SLCO2A1: variants seen among roughly 807,000 people sequenced by gnomAD.
The protein encoded by SLCO2A1 is matrin F/G 1.
A neutral mutation model predicts 71.7 loss-of-function variants in SLCO2A1; 60 were observed. The observed-to-expected ratio is 0.84, with a 90% CI of 0.68 to 1.04. The LOEUF is 1.04. Among genes scored for constraint, SLCO2A1 ranks in the 50% least tolerant of loss-of-function variants. SLCO2A1 has a pLI of 0.00. For missense variants in SLCO2A1, 745 were observed against 813.4 expected, an observed-to-expected ratio of 0.92 and a Z score of 1.02; for synonymous variants, 308 against 326.7, an observed-to-expected ratio of 0.94 and a Z score of 0.62.
intron 5 of SLCO2A1, among the ~76,000 whole-genome samples, chr3:133,952,149 G>T (rs573696832): frequency 6.6e-6 from 1 of 152,302 alleles, no homozygotes; most frequent in African/African-American, 2.4e-5. Flanking sequence ...TCAGTTGCTG[G>T]TCTCTTTGGG....
At chr3:133,996,417 C>G (rs771511280) in intron 1 of SLCO2A1, among the ~76,000 whole-genome samples, 1 of 152,216 alleles carries the variant, frequency 6.6e-6, no homozygotes, top group African/African-American at 2.4e-5. Context: ...GAAGGTAGGA[C>G]GGACGTGCAT....
intron 3 of SLCO2A1, among the ~76,000 whole-genome samples, chr3:133,960,491 T>C (rs1227127088): frequency 2.0e-5 from 3 of 152,120 alleles, no homozygotes; most frequent in African/African-American, 7.2e-5. Context: ...AGATGAGGGA[T>C]CTAAGAAGTC....
intron 10 of SLCO2A1, 130 bp downstream of exon 10, chr3:133,944,965 A>G: frequency 8.9e-7 from 1 of 1,122,512 alleles, no homozygotes; most frequent in Non-Finnish European, 1.3e-6. Flanking sequence ...AGAGGAGGCC[A>G]GGATGCTGGT....
rs538584558 is a variant in SLCO2A1, at chr3:133,947,121, G to A, written c.1295+135C>T. 98 of 716,018 alleles carry A rather than the reference G, an allele frequency of 1.4e-4. No homozygotes were observed. The South Asian group carries it at 1.8e-3, about 13-fold the overall frequency. The allele number at this position is 716,018 out of a possible 1,614,324, so 44.4% of individuals were successfully genotyped here. A position where few individuals can be genotyped will look rare whatever the true frequency, so the allele number is the denominator to read the frequency against. On this transcript the variant is annotated intron_variant, in intron 9 of 13. Transcript: ENST00000310926. The stretch of plus-strand genomic sequence containing the variant: ...TGCACTACAGCCTGGGTGACGGAGC[G>A]AGACTCTGTCTCAAAAAAAAAAAAA...
At chr3:134,011,447 C>T (rs1001355204) in intron 1 of SLCO2A1, among the ~76,000 whole-genome samples, 7 of 152,320 alleles carry the variant, frequency 4.6e-5, no homozygotes, top group African/African-American at 1.7e-4. Context: ...GCTGTGAGGA[C>T]GATCTCAGCT....
chr3:133,940,938 G>A (rs1933405742), intron 11 of SLCO2A1, among the ~76,000 whole-genome samples: 1 of 152,158 alleles, frequency 6.6e-6, no homozygotes, highest in Admixed American at 6.5e-5. Flanking sequence ...CATAGAAGTG[G>A]TGGCTCTTCT....
chr3:133,973,853 A>G, intron 2 of SLCO2A1, 28 bp from the exon 3 acceptor site: 1 of 1,600,910 alleles, frequency 6.2e-7, no homozygotes, highest in Middle Eastern at 1.7e-4. Context: ...GGGCTGAGTG[A>G]GACAAGAGGC....
chr3:133,965,918 T>G, intron 3 of SLCO2A1, among the ~76,000 whole-genome samples: 1 of 151,364 alleles, frequency 6.6e-6, no homozygotes, highest in Admixed American at 6.6e-5. Context: ...ACTGATGGAG[T>G]GGAGTATAGG....
intron 1 of SLCO2A1, among the ~76,000 whole-genome samples, chr3:133,990,423 A>T (rs1934816229): frequency 6.6e-6 from 1 of 152,224 alleles, no homozygotes; most frequent in Non-Finnish European, 1.5e-5. Flanking sequence ...CTAGCAGACA[A>T]ATCATTCTGT....
chr3:133,954,856 TG>T lies in SLCO2A1; in HGVS notation c.625+109del, dbSNP rs967461257. 77 of 818,688 alleles carry T rather than the reference TG, an allele frequency of 9.4e-5. No homozygotes were observed. In the African/African-American group the frequency reaches 1.1e-3, roughly 12 times the overall value. 50.7% of individuals were successfully genotyped at this position (818,688 alleles called of 1,614,324 possible). ...TCCCCAGGCCTCTGAACTCATTTGC[TG>T]GGTTGTAAGCAAAGAGGGTGGGACC... is the stretch of plus-strand genomic sequence containing the variant. On this transcript the variant is annotated intron_variant, in intron 4 of 13. Coordinates refer to ENST00000310926, the MANE Select transcript of SLCO2A1 (RefSeq NM_005630.3).
chr3:133,981,567 T>C (rs543344693), intron 1 of SLCO2A1, among the ~76,000 whole-genome samples: 1 of 152,212 alleles, frequency 6.6e-6, no homozygotes, highest in Non-Finnish European at 1.5e-5. Flanking sequence ...AAATGCTTTA[T>C]TTGGAAAACT....
rs1176931526 is a variant in SLCO2A1 at position 133,933,934 on chromosome 3, C to G, written c.*779G>C. 1 of 152,262 alleles carries G rather than the reference C, an allele frequency of 6.6e-6. No homozygotes were observed. The highest frequency in any genetic ancestry group is 1.5e-5 in the Non-Finnish European group (1 of 68,074). The allele number at this position is 152,262 out of a possible 1,614,324, so 9.4% of individuals were successfully genotyped here. A position where few individuals can be genotyped will look rare whatever the true frequency, so the allele number is the denominator to read the frequency against. ...TCCTTGGGTCTTCACTGTGTTGTAG[C>G]TTCCTCAGTTTGAAACGTACCCCAG... On this transcript the variant is annotated 3_prime_UTR_variant, in exon 14 of 14. Transcript: ENST00000310926.
chr3:134,009,669 G>A (rs765521582), intron 1 of SLCO2A1, among the ~76,000 whole-genome samples: 11 of 152,226 alleles, frequency 7.2e-5, no homozygotes, highest in Non-Finnish European at 1.5e-4. Context: ...CATGGGTTAG[G>A]GAATGCGCAA....
rs771798509 is a variant in SLCO2A1 at position 133,955,047 on chromosome 3, T to C, written c.544A>G (p.Ile182Val). 2 of 1,614,160 alleles carry C rather than the reference T, an allele frequency of 1.2e-6. No homozygotes were observed. Among genetic ancestry groups the C allele is most frequent in the South Asian group, 1.1e-5 (1 of 91,070 alleles). Reference protein sequence around the residue: ...LMVVAQLLAGIGTVPIQPFGI... With the variant: ...LMVVAQLLAGVGTVPIQPFGI... ...AATGGCTGAATAGGCACTGTCCCGA[T>C]GCCAGCCAGCAGCTGGGCAACCACC... Residue 182 changes from isoleucine to valine, a missense_variant, in exon 4 of 14, where the codon ATC (isoleucine) becomes GTC (valine). Ile to Val is a conservative substitution (Grantham distance 29). Coordinates refer to ENST00000310926, the MANE Select transcript of SLCO2A1 (RefSeq NM_005630.3).
At chr3:133,941,455 T>A (rs1258169403) in intron 11 of SLCO2A1, among the ~76,000 whole-genome samples, 3 of 152,122 alleles carry the variant, frequency 2.0e-5, no homozygotes, top group Non-Finnish European at 4.4e-5. Context: ...ACAGCCAGTA[T>A]GTGGCAGAGC....
intron 9 of SLCO2A1, among the ~76,000 whole-genome samples, chr3:133,946,750 G>A (rs1576428493): frequency 6.6e-6 from 1 of 152,172 alleles, no homozygotes; most frequent in South Asian, 2.1e-4. Flanking sequence ...CCCAGTAAGA[G>A]CCTTTGATCT....
At chr3:133,981,180 T>A (rs1453105500) in intron 1 of SLCO2A1, among the ~76,000 whole-genome samples, 1 of 152,140 alleles carries the variant, frequency 6.6e-6, no homozygotes, top group African/African-American at 2.4e-5. Flanking sequence ...ATGGACCAGA[T>A]CTGGACCTGC....
intron 12 of SLCO2A1, among the ~76,000 whole-genome samples, chr3:133,937,284 G>A (rs1037501574): frequency 6.6e-6 from 1 of 152,232 alleles, no homozygotes; most frequent in African/African-American, 2.4e-5. Context: ...TGACAGCAGA[G>A]CCTCTGCTGG....
At chr3:134,008,051 C>G (rs1293359399) in intron 1 of SLCO2A1, among the ~76,000 whole-genome samples, 1 of 152,168 alleles carries the variant, frequency 6.6e-6, no homozygotes, top group Non-Finnish European at 1.5e-5. Context: ...CTTACCCCAC[C>G]TAACCACAGC....
Sources: allele counts gnomAD v4.1 joint callset (sites outside exome capture counted in the v4.1 genomes callset), GRCh38; gene constraint gnomAD v4.1.1; transcripts MANE v1.5; gene names NCBI Gene and HGNC (gene_info 2026-07-23, HGNC 2026-07-21).